The following FAM76A variants were observed in gnomAD, a reference collection of about 807,000 sequenced individuals.
The protein encoded by FAM76A is family with sequence similarity 76 member A.
FAM76A carries 32 observed loss-of-function variants against 46.2 expected under a neutral mutation model. The ratio of observed to expected loss-of-function variants is 0.69; its 90% CI spans 0.52 to 0.93. FAM76A has a LOEUF of 0.93. FAM76A is among the 40% of genes least tolerant of loss of function. The pLI is 0.00. For synonymous variants in FAM76A, 137 were observed against 127.0 expected (o/e 1.08, Z -0.53); for missense variants, 274 against 361.5 (o/e 0.76, Z 1.96).
At chr1:27,739,481 C>T (rs1426758636) in intron 4 of FAM76A, 79 of 410,856 alleles carry the variant, frequency 1.9e-4, no homozygotes, top group Non-Finnish European at 9.9e-5. Flanking sequence ...CTGATTTGTT[C>T]TAGTATAAAA....
intron 5 of FAM76A, among the ~76,000 whole-genome samples, chr1:27,748,269 G>A (rs140078680): frequency 2.6e-5 from 4 of 151,272 alleles, no homozygotes; most frequent in African/African-American, 4.9e-5. Context: ...GGGACTACAG[G>A]TGCCCGCTAC....
chr1:27,757,699 G>C (rs1384001963), intron 7 of FAM76A, among the ~76,000 whole-genome samples: 1 of 151,996 alleles, frequency 6.6e-6, no homozygotes, highest in African/African-American at 2.4e-5. Context: ...CTTTGAGGCC[G>C]GGCTTGGTGG....
At chr1:27,755,580 T>G (rs966858000) in intron 7 of FAM76A, among the ~76,000 whole-genome samples, 5 of 152,142 alleles carry the variant, frequency 3.3e-5, no homozygotes, top group Non-Finnish European at 7.3e-5. Flanking sequence ...TTTTGTTTTT[T>G]GTTTTGTTTT....
chr1:27,757,188 CTTTTT>C (rs1182814614), intron 7 of FAM76A, among the ~76,000 whole-genome samples: 1 of 81,634 alleles, frequency 1.2e-5, no homozygotes, highest in Non-Finnish European at 2.1e-5. Context: ...CTCATTTATT[CTTTTT>C]TTTTTTTTTT....
chr1:27,757,803 T>G (rs562508870), intron 7 of FAM76A, among the ~76,000 whole-genome samples: 1 of 152,100 alleles, frequency 6.6e-6, no homozygotes, highest in African/African-American at 2.4e-5. Flanking sequence ...GGTGAAACCC[T>G]GTCTCTACTA....
At chr1:27,746,049 A>G (rs1182596773) in intron 5 of FAM76A, among the ~76,000 whole-genome samples, 1 of 152,104 alleles carries the variant, frequency 6.6e-6, no homozygotes, top group East Asian at 1.9e-4. Flanking sequence ...TAGTGTGGAA[A>G]ATGCATTGGA....
chr1:27,752,594 A>G (rs1309058347), intron 6 of FAM76A, among the ~76,000 whole-genome samples: 1 of 152,106 alleles, frequency 6.6e-6, no homozygotes, highest in African/African-American at 2.4e-5. Context: ...TCGTAGTTTC[A>G]TTTTATTCTC....
chr1:27,727,489 C>A lies in FAM76A; in HGVS notation c.99C>A (p.His33Gln), dbSNP rs561062001. The A allele has an allele frequency of 1.2e-6, 2 of 1,613,648 alleles. No individual in the cohort carries two copies. The highest frequency in any genetic ancestry group is 1.7e-6 in the Non-Finnish European group (2 of 1,179,614). Residue 33 changes from histidine (H) to glutamine (Q), a missense_variant, in exon 2 of 9, where the codon CAC becomes CAA. Coordinates refer to ENST00000373954, the MANE Select transcript of FAM76A (RefSeq NM_152660.3). ...QQLCKECRIA[H>Q]PVVKCTYCRT... Reference sequence around the variant, plus strand: ...CATTTCAGGAATGTCGGATTGCACACCCTGTTGTGAAGTGCACCTACTGCA... The same window carrying A: ...CATTTCAGGAATGTCGGATTGCACAACCTGTTGTGAAGTGCACCTACTGCA...
chr1:27,760,473 C>G (rs764111881), intron 8 of FAM76A, 22 bp from the exon 9 acceptor site: 1 of 1,593,440 alleles, frequency 6.3e-7, no homozygotes, highest in Admixed American at 1.7e-5. Context: ...ATCCTTCTTG[C>G]ACTGATTTTT....
In FAM76A at chr1:27,762,476, C is replaced by T. The variant is rs970885211; in HGVS notation, c.*1895C>T. 2 of 152,116 alleles carry T rather than the reference C, an allele frequency of 1.3e-5. No individual in the cohort carries two copies. The highest frequency in any genetic ancestry group is 4.8e-5 in the African/African-American group (2 of 41,410). The allele number at this position is 152,116 out of a possible 1,614,324, so 9.4% of individuals were successfully genotyped here. A position where few individuals can be genotyped will look rare whatever the true frequency, so the allele number is the denominator to read the frequency against. On this transcript the variant is annotated 3_prime_UTR_variant, in exon 9 of 9. Transcript: ENST00000373954. ...TAGGCGTTTCCTGGAAGCAGATGCT[C>T]TATAATTTGTGATAGCATTCTCATA...
At chr1:27,736,172 A>G (rs568671920) in intron 4 of FAM76A, among the ~76,000 whole-genome samples, 1 of 152,238 alleles carries the variant, frequency 6.6e-6, no homozygotes, top group East Asian at 1.9e-4. Context: ...ATATAAAAAA[A>G]TTAACCGGGC....
intron 7 of FAM76A, among the ~76,000 whole-genome samples, chr1:27,756,482 G>A (rs1222409868): frequency 6.6e-6 from 1 of 151,794 alleles, no homozygotes; most frequent in Non-Finnish European, 1.5e-5. Flanking sequence ...GTAGAGATGG[G>A]GTTTCGCCAT....
chr1:27,755,866 C>G (rs566950882), intron 7 of FAM76A, among the ~76,000 whole-genome samples: 1 of 152,224 alleles, frequency 6.6e-6, no homozygotes, highest in Admixed American at 6.5e-5. Flanking sequence ...TGAGCCATTG[C>G]CCCTGGCCTC....
intron 4 of FAM76A, among the ~76,000 whole-genome samples, chr1:27,734,948 A>T (rs575468440): frequency 6.6e-6 from 1 of 152,368 alleles, no homozygotes; most frequent in African/African-American, 2.4e-5. Context: ...GAGTTTGGTC[A>T]TATTACTCTC....
intron 4 of FAM76A, among the ~76,000 whole-genome samples, chr1:27,741,407 A>G (rs565115450): frequency 2.3e-4 from 35 of 152,046 alleles, no homozygotes; most frequent in African/African-American, 8.2e-4. Flanking sequence ...CAATCTGCCT[A>G]CCTCAGCCTT....
chr1:27,752,456 A>G (rs1296750672), intron 6 of FAM76A, among the ~76,000 whole-genome samples: 1 of 152,214 alleles, frequency 6.6e-6, no homozygotes, highest in Non-Finnish European at 1.5e-5. Flanking sequence ...TCTAGAAAAT[A>G]CACTGGCTAC....
intron 4 of FAM76A, chr1:27,740,386 G>C: frequency 7.6e-7 from 1 of 1,317,426 alleles, no homozygotes; most frequent in Admixed American, 1.7e-5. Flanking sequence ...CCTGGGTTTG[G>C]AAGGCAGAAA....
At chr1:27,734,233 G>C (rs2088007047) in intron 4 of FAM76A, 50 bp downstream of exon 4, 1 of 1,547,322 alleles carries the variant, frequency 6.5e-7, no homozygotes, top group Admixed American at 2.1e-5. Flanking sequence ...GAGAAATTAA[G>C]GTGGACTAAC....
intron 4 of FAM76A, 79 bp from the exon 5 acceptor site, chr1:27,744,575 A>G (rs2088209371): frequency 8.7e-6 from 13 of 1,502,190 alleles, no homozygotes; most frequent in Admixed American, 5.3e-5. Context: ...CTGAACCCAA[A>G]GATTCTAGCT....
Sources: gnomAD v4.1 joint callset for allele counts (sites outside exome capture counted in the v4.1 genomes callset) on GRCh38, gnomAD v4.1.1 for gene constraint, MANE v1.5 for transcripts, NCBI Gene and HGNC (gene_info 2026-07-23, HGNC 2026-07-21) for gene names.